Variants in MAP3K5 observed in about 807,000 individuals in gnomAD.
MAP3K5 encodes ASK-1.
MAP3K5 carries 56 observed loss-of-function variants against 158.7 expected under a neutral mutation model. The observed-to-expected ratio is 0.35, with a 90% CI of 0.28 to 0.44. The LOEUF is 0.44. Ranked by LOEUF, MAP3K5 falls within the 20% of genes least tolerant of loss-of-function variation. The pLI is 1.00. For missense variants in MAP3K5, 1,294 were observed against 1,674.8 expected, an observed-to-expected ratio of 0.77 and a Z score of 3.97; for synonymous variants, 579 against 601.7, an observed-to-expected ratio of 0.96 and a Z score of 0.55.
At chr6:136,769,769 A>G (rs867800672) in intron 1 of MAP3K5, among the ~76,000 whole-genome samples, 14 of 35,090 alleles carry the variant, frequency 4.0e-4, no homozygotes, top group Non-Finnish European at 4.7e-4. Context: ...GGAAGGAAGG[A>G]AGGAAGGAAG....
intron 1 of MAP3K5, among the ~76,000 whole-genome samples, chr6:136,739,795 T>A (rs886917236): frequency 6.6e-6 from 1 of 152,200 alleles, no homozygotes; most frequent in Non-Finnish European, 1.5e-5. Flanking sequence ...CAAACAGTCT[T>A]AGATGTCTGT....
chr6:136,596,611 G>A (rs1775644115), intron 21 of MAP3K5, among the ~76,000 whole-genome samples: 1 of 152,202 alleles, frequency 6.6e-6, no homozygotes, highest in African/African-American at 2.4e-5. Flanking sequence ...GGCAGAAGCT[G>A]GAGGAGTCAC....
Position 136,613,366 on chromosome 6 carries a change from G to A in MAP3K5, c.2279-110C>T. ...TAACAGTCATTGGTTCTTCACAGTG[G>A]CCCAGGAGCTATACTGGATATCGGG... On this transcript the variant is annotated intron_variant, in intron 16 of 29. Transcript: ENST00000359015. This position sits in a 1 kb window ranked among gnomAD's most constrained non-coding sequence, Gnocchi z 4.0. The A allele has an allele frequency of 1.1e-6, 1 of 906,548 alleles. No individual in the cohort carries two copies. Among genetic ancestry groups the A allele is most frequent in the Non-Finnish European group, 1.6e-6 (1 of 623,102 alleles). 56.2% of individuals were successfully genotyped at this position (906,548 alleles called of 1,614,324 possible).
At chr6:136,743,958 A>G (rs1782823244) in intron 1 of MAP3K5, among the ~76,000 whole-genome samples, 1 of 152,238 alleles carries the variant, frequency 6.6e-6, no homozygotes, top group Non-Finnish European at 1.5e-5. Context: ...ACATTCTGAA[A>G]AAGAGAAACT....
chr6:136,670,144 A>G (rs1779420573), intron 7 of MAP3K5, among the ~76,000 whole-genome samples: 1 of 152,170 alleles, frequency 6.6e-6, no homozygotes, highest in Non-Finnish European at 1.5e-5. Context: ...AGAGTTATAA[A>G]AAGACTTTTC....
At chr6:136,667,743 C>A (rs755714919) in intron 8 of MAP3K5, among the ~76,000 whole-genome samples, 1 of 150,514 alleles carries the variant, frequency 6.6e-6, no homozygotes, top group African/African-American at 2.4e-5. Flanking sequence ...CTCAGCTACC[C>A]GGGAGGCTGA....
chr6:136,718,189 A>G (rs1781602984), intron 2 of MAP3K5, among the ~76,000 whole-genome samples: 1 of 151,944 alleles, frequency 6.6e-6, no homozygotes. Flanking sequence ...CTCTTTTAAG[A>G]ATTATTATTA....
chr6:136,692,381 A>T (rs1018572148), intron 7 of MAP3K5, among the ~76,000 whole-genome samples: 6 of 152,160 alleles, frequency 3.9e-5, no homozygotes, highest in Non-Finnish European at 8.8e-5. Flanking sequence ...GTCCTCCGGC[A>T]GCCTCAAACT....
At chr6:136,690,650 G>A (rs1780345710) in intron 7 of MAP3K5, among the ~76,000 whole-genome samples, 1 of 151,928 alleles carries the variant, frequency 6.6e-6, no homozygotes, top group African/African-American at 2.4e-5. Context: ...CATATCCTAT[G>A]CATTTTTTAA....
intron 26 of MAP3K5, among the ~76,000 whole-genome samples, chr6:136,563,723 A>G (rs1165954085): frequency 6.6e-6 from 1 of 152,236 alleles, no homozygotes; most frequent in Non-Finnish European, 1.5e-5. Context: ...CAAAGAAAAC[A>G]TTCCAAGTTA....
At chr6:136,688,090 T>TA (rs2114628399) in intron 7 of MAP3K5, among the ~76,000 whole-genome samples, 1 of 152,108 alleles carries the variant, frequency 6.6e-6, no homozygotes, top group Admixed American at 6.5e-5. Context: ...TATGCAGCCA[T>TA]AAAAAAGGGT....
intron 16 of MAP3K5, 57 bp downstream of exon 16, chr6:136,614,102 T>G: frequency 6.3e-7 from 1 of 1,577,506 alleles, no homozygotes; most frequent in Admixed American, 1.8e-5. Flanking sequence ...CATTCAATTT[T>G]ACTCCCCTCC....
rs756997652 is a variant in MAP3K5 at position 136,580,331 on chromosome 6, C to A, written c.3487G>T (p.Val1163Leu). 4.3e-6 allele frequency: 7 copies of A among 1,613,394 alleles called. No homozygotes were observed. In the Admixed American group the frequency reaches 1.2e-4, roughly 27 times the overall value. ...ACCAGGATGGTAATGGCTGTCTGTACCGCCTTCCGAATGATACTGTCTAAG... is the reference window on the plus strand; with the variant it reads ...ACCAGGATGGTAATGGCTGTCTGTAACGCCTTCCGAATGATACTGTCTAAG... ...FALDSIIRKA[V>L]QTAITILVPE... The change falls in exon 25 of 30, where the codon GTA (valine) becomes TTA (leucine). Residue 1163 changes from valine (V) to leucine (L), a missense_variant. Transcript: ENST00000359015.
chr6:136,769,464 C>T (rs1359793433), intron 1 of MAP3K5, among the ~76,000 whole-genome samples: 1 of 151,778 alleles, frequency 6.6e-6, no homozygotes, highest in Admixed American at 6.6e-5. Flanking sequence ...CTGAAAACCA[C>T]CAAATTGTAC....
intron 18 of MAP3K5, among the ~76,000 whole-genome samples, chr6:136,606,182 C>G (rs1163953266): frequency 6.6e-6 from 1 of 152,158 alleles, no homozygotes; most frequent in African/African-American, 2.4e-5. Context: ...GAAACCCTGT[C>G]TCTACTAAAA....
At chr6:136,646,648 C>T (rs767774727) in intron 11 of MAP3K5, among the ~76,000 whole-genome samples, 1 of 152,208 alleles carries the variant, frequency 6.6e-6, no homozygotes, top group Non-Finnish European at 1.5e-5. Context: ...TGAAAATCTC[C>T]TCCTCCAGTC....
intron 26 of MAP3K5, among the ~76,000 whole-genome samples, chr6:136,565,482 A>C (rs1287948453): frequency 6.6e-6 from 1 of 152,178 alleles, no homozygotes; most frequent in Non-Finnish European, 1.5e-5. Flanking sequence ...CCCAGGCTGG[A>C]GTGCAATGGT....
intron 1 of MAP3K5, among the ~76,000 whole-genome samples, chr6:136,778,604 C>T (rs994772955): frequency 1.3e-5 from 2 of 152,134 alleles, no homozygotes; most frequent in Non-Finnish European, 2.9e-5. Flanking sequence ...AAAATGTCTG[C>T]TGATGTGATG....
Position 136,613,061 on chromosome 6 carries a change from A to G in MAP3K5, c.2415+59T>C. 1 of 1,497,554 alleles carries G rather than the reference A, an allele frequency of 6.7e-7. No individual in the cohort carries two copies. 92.8% of individuals were successfully genotyped at this position (1,497,554 alleles called of 1,614,324 possible). On this transcript the variant is annotated intron_variant, in intron 17 of 29. Coordinates refer to ENST00000359015, the MANE Select transcript of MAP3K5 (RefSeq NM_005923.4). The surrounding 1 kb of genome is among the most constrained non-coding windows in gnomAD (Gnocchi z 4.0). ...CTCATAACACAATATGACTTTTGCA[A>G]GTAAAATAATAACCCAGCAAAGAAA...
Sources: allele counts gnomAD v4.1 joint callset (sites outside exome capture counted in the v4.1 genomes callset), GRCh38; gene constraint gnomAD v4.1.1; non-coding constraint Gnocchi (gnomAD v3.1); transcripts MANE v1.5; gene names NCBI Gene and HGNC (gene_info 2026-07-23, HGNC 2026-07-21).